COL23A1: variants seen among roughly 807,000 people sequenced by gnomAD.
COL23A1 encodes collagen alpha-1(XXIII) chain.
COL23A1 carries 97 observed loss-of-function variants against 99.3 expected under a neutral mutation model. The observed-to-expected ratio is 0.98, with a 90% confidence interval of 0.83 to 1.16. The LOEUF is 1.16. Ranked by LOEUF, COL23A1 falls within the 50% of genes most tolerant of loss-of-function variation. The probability of loss-of-function intolerance (pLI) is 0.00; values close to 1 mark genes in which losing one functional copy is unlikely to be tolerated. For synonymous variants in COL23A1, 320 were observed against 308.2 expected, an observed-to-expected ratio of 1.04 and a Z score of -0.40; for missense variants, 762 against 757.4, an observed-to-expected ratio of 1.01 and a Z score of -0.07.
intron 2 of COL23A1, among the ~76,000 whole-genome samples, chr5:178,500,989 C>G (rs6893880): frequency 0.75 from 114,657 of 152,084 alleles, 43,470 homozygotes; most frequent in East Asian, 0.97. Flanking sequence ...TTAGTATTCA[C>G]AATACATAAA....
chr5:178,441,456 T>C (rs941526061), intron 2 of COL23A1, among the ~76,000 whole-genome samples: 21 of 152,212 alleles, frequency 1.4e-4, no homozygotes, highest in African/African-American at 4.3e-4. Flanking sequence ...GTTCACACAC[T>C]ATTGAGAATT....
intron 8 of COL23A1, among the ~76,000 whole-genome samples, chr5:178,264,074 A>G (rs754592767): frequency 3.3e-5 from 5 of 152,188 alleles, no homozygotes; most frequent in Non-Finnish European, 7.3e-5. Flanking sequence ...AGGTGATTGT[A>G]ACTACAAAAG....
intron 1 of COL23A1, among the ~76,000 whole-genome samples, chr5:178,577,480 T>C (rs896362741): frequency 1.3e-5 from 2 of 152,052 alleles, no homozygotes; most frequent in Admixed American, 1.3e-4. Context: ...CGTGGTGCTG[T>C]AGGGGGAAGC....
At chr5:178,516,025 T>C (rs550081621) in intron 2 of COL23A1, among the ~76,000 whole-genome samples, 5 of 152,322 alleles carry the variant, frequency 3.3e-5, no homozygotes, top group Admixed American at 1.3e-4. Flanking sequence ...TGTCTCTTTC[T>C]GTCTCTGCAG....
chr5:178,349,542 CCCCCACG>C (rs1357184698), intron 2 of COL23A1, among the ~76,000 whole-genome samples: 1 of 151,528 alleles, frequency 6.6e-6, no homozygotes, highest in Non-Finnish European at 1.5e-5. Flanking sequence ...GCAGGGCCAC[CCCCCACG>C]CCCCACGCCT....
chr5:178,475,438 C>T (rs947458556), intron 2 of COL23A1, among the ~76,000 whole-genome samples: 4 of 152,080 alleles, frequency 2.6e-5, no homozygotes, highest in Non-Finnish European at 2.9e-5. Flanking sequence ...GCAGAGACCC[C>T]GAGGCAGAGG....
chr5:178,382,357 C>T (rs539892084), intron 2 of COL23A1, among the ~76,000 whole-genome samples: 9 of 152,276 alleles, frequency 5.9e-5, no homozygotes, highest in African/African-American at 1.9e-4. Flanking sequence ...CTGTGGGCAC[C>T]GGCAGGCCTA....
chr5:178,525,665 ACCCCAGG>A, intron 2 of COL23A1, among the ~76,000 whole-genome samples: 1 of 73,476 alleles, frequency 1.4e-5, no homozygotes, highest in Non-Finnish European at 2.7e-5. Flanking sequence ...CAGCGCGCAG[ACCCCAGG>A]ACCCGAAGGC....
At chr5:178,436,111 C>T (rs1017823413) in intron 2 of COL23A1, among the ~76,000 whole-genome samples, 1 of 152,124 alleles carries the variant, frequency 6.6e-6, no homozygotes, top group Non-Finnish European at 1.5e-5. Flanking sequence ...CTGGCCTCAA[C>T]AGGCTGAGTG....
intron 2 of COL23A1, among the ~76,000 whole-genome samples, chr5:178,393,385 A>G (rs900442865): frequency 1.3e-5 from 2 of 152,072 alleles, no homozygotes; most frequent in African/African-American, 4.8e-5. Flanking sequence ...GGGGAGGAGG[A>G]ATGGGGAGTT....
intron 27 of COL23A1, among the ~76,000 whole-genome samples, chr5:178,239,626 C>T (rs1300179839): frequency 1.2e-4 from 6 of 48,938 alleles, no homozygotes; most frequent in Non-Finnish European, 2.2e-4. Context: ...CTGCCGAGAG[C>T]CGTGTGGCTT....
chr5:178,278,971 C>T (rs1417579811), intron 5 of COL23A1, among the ~76,000 whole-genome samples: 1 of 152,196 alleles, frequency 6.6e-6, no homozygotes, highest in East Asian at 1.9e-4. Context: ...CCCTCCCTAT[C>T]TAGATGTCAC....
intron 2 of COL23A1, among the ~76,000 whole-genome samples, chr5:178,437,366 C>G (rs576344246): frequency 6.6e-6 from 1 of 152,272 alleles, no homozygotes; most frequent in Admixed American, 6.5e-5. Flanking sequence ...TGGGATGAAA[C>G]AGGGTGCCAG....
chr5:178,243,209 C>A (rs889477173), intron 25 of COL23A1, among the ~76,000 whole-genome samples: 1 of 150,906 alleles, frequency 6.6e-6, no homozygotes, highest in Non-Finnish European at 1.5e-5. Flanking sequence ...ACAAAGAGGC[C>A]AGGCATGGTG....
chr5:178,570,752 T>C (rs1307088350), intron 1 of COL23A1, among the ~76,000 whole-genome samples: 3 of 151,742 alleles, frequency 2.0e-5, no homozygotes, highest in Admixed American at 1.3e-4. Flanking sequence ...GCTGAGCACA[T>C]GGAGGGGGGA....
intron 2 of COL23A1, among the ~76,000 whole-genome samples, chr5:178,355,268 A>T (rs2913812): frequency 0.76 from 114,718 of 151,584 alleles, 43,688 homozygotes; most frequent in Middle Eastern, 0.84. Context: ...GCCACAAAGA[A>T]CCTCAAATAA....
chr5:178,516,119 C>T (rs1358093754), intron 2 of COL23A1, among the ~76,000 whole-genome samples: 2 of 152,188 alleles, frequency 1.3e-5, no homozygotes, highest in African/African-American at 4.8e-5. Flanking sequence ...TCCACCTGCC[C>T]CGTCCTCGTC....
chr5:178,435,671 G>T (rs1766519121), intron 2 of COL23A1, among the ~76,000 whole-genome samples: 1 of 152,198 alleles, frequency 6.6e-6, no homozygotes, highest in South Asian at 2.1e-4. Context: ...AAGCGAGGGG[G>T]AGGGAGGTGA....
chr5:178,561,693 C>T (rs1762567704), intron 1 of COL23A1, among the ~76,000 whole-genome samples: 2 of 152,172 alleles, frequency 1.3e-5, no homozygotes, highest in African/African-American at 4.8e-5. Context: ...AAAAAAATCC[C>T]CCTAAAAGCA....
Sources: gnomAD v4.1 joint callset for allele counts (sites outside exome capture counted in the v4.1 genomes callset) on GRCh38, gnomAD v4.1.1 for gene constraint, MANE v1.5 for transcripts, NCBI Gene and HGNC (gene_info 2026-07-23, HGNC 2026-07-21) for gene names.